Variants in CASK observed in about 807,000 individuals in gnomAD.
CASK encodes the protein calcium/calmodulin dependent serine protein kinase, also known as peripheral plasma membrane protein CASK.
CASK carries 4 observed loss-of-function variants against 82.9 expected under a neutral mutation model. The ratio of observed to expected loss-of-function variants is 0.05; its 90% CI spans 0.02 to 0.11. The LOEUF is 0.11. Among genes scored for constraint, CASK ranks in the 10% least tolerant of loss-of-function variants. The probability of loss-of-function intolerance (pLI) is 1.00; values close to 1 mark genes in which losing one functional copy is unlikely to be tolerated. For synonymous variants in CASK, 259 were observed against 253.5 expected (o/e 1.02, Z -0.20); for missense variants, 358 against 720.9 (o/e 0.50, Z 5.76).
intron 3 of CASK, among the ~76,000 whole-genome samples, chrX:41,761,404 A>G (rs2068998291): frequency 9.0e-6 from 1 of 111,538 alleles, no homozygotes; most frequent in African/African-American, 3.3e-5. Flanking sequence ...CTGGAAAATG[A>G]TCTCACCTTG....
At chrX:41,914,506 T>A (rs1369446991) in intron 1 of CASK, among the ~76,000 whole-genome samples, 2 of 112,125 alleles carry the variant, frequency 1.8e-5, no homozygotes, top group Admixed American at 1.9e-4. Context: ...ACAAATTTAG[T>A]TAGGAGGTGA....
chrX:41,818,194 T>TGTGTGTGTGTG (rs1569458642), intron 2 of CASK, among the ~76,000 whole-genome samples: 6 of 102,683 alleles, frequency 5.8e-5, no homozygotes, highest in Non-Finnish European at 8.0e-5. Context: ...TGTGTGTGTG[T>TGTGTGTGTGTG]TTGCTGAAAT....
chrX:41,769,779 A>G (rs1349271547), intron 3 of CASK, among the ~76,000 whole-genome samples: 2 of 110,650 alleles, frequency 1.8e-5, no homozygotes, highest in African/African-American at 6.6e-5. Context: ...CTATGTCTGT[A>G]CTAAAAATAA....
chrX:41,689,825 T>C (rs577599956), intron 5 of CASK: 5 of 111,972 alleles, frequency 4.5e-5, no homozygotes, highest in East Asian at 2.8e-4. Flanking sequence ...GTTGCGACTA[T>C]TACCAAATAG....
At chrX:41,883,478 C>T (rs1007743442) in intron 1 of CASK, among the ~76,000 whole-genome samples, 2 of 110,977 alleles carry the variant, frequency 1.8e-5, no homozygotes, top group Non-Finnish European at 3.8e-5. Flanking sequence ...TTGCCTACCT[C>T]GAGGCAGCTG....
rs201315802 is a variant in CASK at position 41,633,596 on chromosome X, C to CTTT, written c.915+2979_915+2981dup. Among the ~76,000 whole-genome samples, 554 of 103,337 alleles carry CTTT rather than the reference C, an allele frequency of 5.4e-3. 5 individuals are homozygous for CTTT. Among genetic ancestry groups the CTTT allele is most frequent in the African/African-American group, 0.018 (518 of 28,712 alleles). The allele number at this position is 103,337 out of a possible 115,157, so 89.7% of individuals were successfully genotyped here. A position where few individuals can be genotyped will look rare whatever the true frequency, so the allele number is the denominator to read the frequency against. On this transcript the variant is annotated intron_variant, in intron 9 of 26. Transcript: ENST00000378163. ...AGAAAGTATTGTTATCTAGAGGATT[C>CTTT]TTTTTTTTTATTTTTTTTTAATGAA...
Position 41,885,281 on chromosome X carries a change from T to A in CASK, c.60-32054A>T, listed in dbSNP as rs1001262687. ...AACCTGGCACTCAATAAAGAACCTA[T>A]TTTCCATTTGTATCAACTTAAGTTT... On this transcript the variant is annotated intron_variant, in intron 1 of 26. Coordinates refer to ENST00000378163, the MANE Select transcript of CASK (RefSeq NM_001367721.1). Among the ~76,000 whole-genome samples the A allele has an allele frequency of 5.4e-5, 6 of 112,131 alleles. No individual in the cohort carries two copies. The Admixed American group carries it at 5.7e-4, about 11-fold the overall frequency.
chrX:41,905,098 C>T lies in CASK; in HGVS notation c.59+17832G>A, dbSNP rs1025976253. Among the ~76,000 whole-genome samples the T allele has an allele frequency of 4.5e-5, 5 of 112,079 alleles. No individual in the cohort carries two copies. In the South Asian group the frequency reaches 1.9e-3, roughly 42 times the overall value. ...ATTTATTTTATAGTTGAATGATATT[C>T]CATTGTGTGCAACTACCACATTTTG... On this transcript the variant is annotated intron_variant, in intron 1 of 26. Coordinates refer to ENST00000378163, the MANE Select transcript of CASK (RefSeq NM_001367721.1).
chrX:41,609,916 G>A lies in CASK; in HGVS notation c.1143C>T (p.His381=). 8.3e-7 allele frequency: 1 copy of A among 1,209,040 alleles called. No individual in the cohort carries two copies. The highest frequency in any genetic ancestry group is 1.1e-6 in the Non-Finnish European group (1 of 893,000). ...AAGACAGACTTACATCTAGTAGTGT[G>A]TGAAGATGCTGATCCTGGAAAACAC... The part of the protein sequence containing the change: ...LHSVFQDQHL[H]TLLDLYDKIN... Residue 381 remains histidine (H), a synonymous_variant, in exon 12 of 27, where the codon CAC becomes CAT. Transcript: ENST00000378163.
intron 22 of CASK, among the ~76,000 whole-genome samples, chrX:41,538,162 G>A (rs1183033926): frequency 9.0e-6 from 1 of 111,471 alleles, no homozygotes; most frequent in Non-Finnish European, 1.9e-5. Context: ...TATTTTTAAT[G>A]CCAACAGGGC....
At chrX:41,764,067 G>A (rs1036097353) in intron 3 of CASK, among the ~76,000 whole-genome samples, 1 of 111,978 alleles carries the variant, frequency 8.9e-6, no homozygotes, top group African/African-American at 3.2e-5. Flanking sequence ...CCAAAAGGCA[G>A]CACATCTCAG....
chrX:41,523,911 T>A (rs1282485494), intron 26 of CASK, 40 bp downstream of exon 26: 2 of 983,540 alleles, frequency 2.0e-6, no homozygotes, highest in African/African-American at 3.8e-5. Flanking sequence ...TAAGGCTTGA[T>A]CCTTACAGCT....
intron 11 of CASK, among the ~76,000 whole-genome samples, chrX:41,621,194 C>A (rs1030634044): frequency 9.0e-6 from 1 of 110,679 alleles, no homozygotes; most frequent in African/African-American, 3.3e-5. Flanking sequence ...TTAATTTGTA[C>A]GTGGTGGGCA....
chrX:41,872,385 T>A (rs1448164530), intron 1 of CASK, among the ~76,000 whole-genome samples: 1 of 111,817 alleles, frequency 8.9e-6, no homozygotes, highest in Non-Finnish European at 1.9e-5. Flanking sequence ...TGTCCAAGAA[T>A]TGATACTGCA....
intron 25 of CASK, among the ~76,000 whole-genome samples, chrX:41,530,181 T>C (rs2064780270): frequency 9.0e-6 from 1 of 111,331 alleles, no homozygotes; most frequent in South Asian, 3.7e-4. Flanking sequence ...CCCACAAGCC[T>C]CTCCTATAAC....
intron 22 of CASK, among the ~76,000 whole-genome samples, chrX:41,537,280 G>A (rs963323886): frequency 1.8e-5 from 2 of 111,547 alleles, no homozygotes; most frequent in African/African-American, 6.5e-5. Flanking sequence ...ATTGCCACAC[G>A]GTCATAGGGT....
At chrX:41,607,930 T>G (rs2147274416) in intron 12 of CASK, among the ~76,000 whole-genome samples, 1 of 112,142 alleles carries the variant, frequency 8.9e-6, no homozygotes, top group Non-Finnish European at 1.9e-5. Flanking sequence ...TCTATTCTGT[T>G]AAGCCACTCA....
At chrX:41,836,169 A>T (rs2070923275) in intron 2 of CASK, among the ~76,000 whole-genome samples, 2 of 111,995 alleles carry the variant, frequency 1.8e-5, no homozygotes, top group South Asian at 7.4e-4. Flanking sequence ...CTACAGAAAT[A>T]TATGAAATTC....
rs1192377020 is a variant in CASK at position 41,551,879 on chromosome X, C to CAAAA, written c.2039+1836_2039+1839dup. On this transcript the variant is annotated intron_variant, in intron 21 of 26. Coordinates refer to ENST00000378163, the MANE Select transcript of CASK (RefSeq NM_001367721.1). ...TGGGCCACAGGGCGAGACTCCGTCT[C>CAAAA]AAAAAAAAAAAAAAAAAAAAAAAAA... Among the ~76,000 whole-genome samples the CAAAA allele has an allele frequency of 1.8e-3, 41 of 23,332 alleles. 1 individual carries two copies. The highest frequency in any genetic ancestry group is 6.7e-3 in the African/African-American group (40 of 6,002). 20.3% of individuals were successfully genotyped at this position (23,332 alleles called of 115,157 possible). A position where few individuals can be genotyped will look rare whatever the true frequency, so the allele number is the denominator to read the frequency against.
Sources: gnomAD v4.1 joint callset for allele counts (sites outside exome capture counted in the v4.1 genomes callset) on GRCh38, gnomAD v4.1.1 for gene constraint, MANE v1.5 for transcripts, NCBI Gene and HGNC (gene_info 2026-07-23, HGNC 2026-07-21) for gene names.